The following LRCH4 variants were observed in gnomAD, a reference collection of about 807,000 sequenced individuals.
LRCH4 encodes the protein leucine-rich repeat and calponin homology domain-containing protein 4.
Under a neutral mutation model 81.2 loss-of-function variants are expected in LRCH4, and 56 were observed. The observed-to-expected ratio is 0.69, with a 90% CI of 0.56 to 0.86. The LOEUF is 0.86. Among genes scored for constraint, LRCH4 ranks in the 40% least tolerant of loss-of-function variants. LRCH4 has a pLI of 0.00. For synonymous variants in LRCH4, 442 were observed against 409.7 expected (o/e 1.08, Z -0.95); for missense variants, 895 against 922.8 (o/e 0.97, Z 0.39).
In LRCH4 at chr7:100,575,949, A is replaced by G; in HGVS notation, c.1698T>C (p.Ser566=). 1 of 1,610,482 alleles carries G rather than the reference A, an allele frequency of 6.2e-7. No individual in the cohort carries two copies. Among genetic ancestry groups the G allele is most frequent in the South Asian group, 1.1e-5 (1 of 90,838 alleles). ...LPEDLAEALA[S]GVILCQLANQ... is the part of the protein sequence containing the mutation. ...TGGCCAGCTGGCACAGGATGACCCC[A>G]CTGGCCAGAGCCTCGGCCAGGTCCT... The change falls in exon 16 of 18, where the codon AGT becomes AGC. Residue 566 remains serine, a synonymous_variant. Coordinates refer to ENST00000310300, the MANE Select transcript of LRCH4 (RefSeq NM_002319.5). The surrounding 1 kb of genome is among the most constrained non-coding windows in gnomAD (Gnocchi z 5.3).
At position 100,578,642 on chromosome 7, in the gene LRCH4, C is replaced by T. The variant is rs752408610; in HGVS notation, c.735+8G>A. ...CTGTCCTCGTGGCCCCCCAGGCACC[C>T]GCCTCACCTGGGCAGGTGGACTCTG... On this transcript the variant is annotated splice_region_variant and intron_variant, in intron 5 of 17. Coordinates refer to ENST00000310300, the MANE Select transcript of LRCH4 (RefSeq NM_002319.5). This position sits in a 1 kb window ranked among gnomAD's most constrained non-coding sequence, Gnocchi z 5.7. 1.2e-6 allele frequency: 2 copies of T among 1,612,396 alleles called. No homozygotes were observed. The highest frequency in any genetic ancestry group is 1.1e-5 in the South Asian group (1 of 90,936).
rs1236700386 is a variant in LRCH4 at position 100,581,774 on chromosome 7, C to T, written c.598+3G>A. 4 of 1,613,786 alleles carry T rather than the reference C, an allele frequency of 2.5e-6. No individual in the cohort carries two copies. Among genetic ancestry groups the T allele is most frequent in the African/African-American group, 2.7e-5 (2 of 74,944 alleles). On this transcript the variant is annotated splice_donor_region_variant and intron_variant, in intron 4 of 17. Coordinates refer to ENST00000310300, the MANE Select transcript of LRCH4 (RefSeq NM_002319.5). Reference sequence around the variant, plus strand: ...CTCCTCTCCAGTTCTTCATTCTTCTCACCTTCGGGCAGCGTACTGAGCTGG... The same window carrying T: ...CTCCTCTCCAGTTCTTCATTCTTCTTACCTTCGGGCAGCGTACTGAGCTGG...
At chr7:100,580,324 T>C (rs1480093828) in intron 4 of LRCH4, 2 of 151,516 alleles carry the variant, frequency 1.3e-5, no homozygotes, top group Non-Finnish European at 1.5e-5. Flanking sequence ...CAAGAAGCCA[T>C]TAAATCCCTA....
Position 100,577,284 on chromosome 7 carries a change from C to T in LRCH4, c.1284G>A (p.Pro428=), listed in dbSNP as rs763750913. ...QQQQSGAWGA[P]RKDSLLKPGL... is the part of the protein sequence containing the mutation. Reference sequence around the variant, plus strand: ...GCCCTGGGTCCCACCTATCCTTCCTCGGGGCCCCCCACGCCCCGCTCTGCT... The same window carrying T: ...GCCCTGGGTCCCACCTATCCTTCCTTGGGGCCCCCCACGCCCCGCTCTGCT... The change falls in exon 11 of 18, where the codon CCG becomes CCA. Residue 428 remains proline (P), a synonymous_variant. Coordinates refer to ENST00000310300, the MANE Select transcript of LRCH4 (RefSeq NM_002319.5). The surrounding 1 kb of genome is among the most constrained non-coding windows in gnomAD (Gnocchi z 6.7). The T allele has an allele frequency of 2.8e-5, 44 of 1,599,466 alleles. No individual in the cohort carries two copies. The highest frequency in any genetic ancestry group is 1.3e-4 in the South Asian group (12 of 90,818).
Position 100,576,713 on chromosome 7 carries a change from G to C in LRCH4, c.1533C>G (p.Ser511=), listed in dbSNP as rs756950523. The change falls in exon 14 of 18, where the codon TCC becomes TCG. Residue 511 remains serine (S), a synonymous_variant. Transcript: ENST00000310300. ...ACCCACCTGAGCCACTCTGAGAGGA[G>C]GAACGGAAGAGGAAGCTGTTTGGTC... ...IQRPNSFLFR[S]SSQSGSGPSS... 4.4e-6 allele frequency: 7 copies of C among 1,595,184 alleles called. No homozygotes were observed. Among genetic ancestry groups the C allele is most frequent in the Non-Finnish European group, 6.0e-6 (7 of 1,170,920 alleles).
At chr7:100,580,460 C>G (rs975909592) in intron 4 of LRCH4, 2 of 150,962 alleles carry the variant, frequency 1.3e-5, no homozygotes, top group Non-Finnish European at 2.9e-5. Flanking sequence ...CCCACACACA[C>G]GCAAACAACA....
rs1210583672 is a variant in LRCH4, at chr7:100,585,032, G to A, written c.220+849C>T. ...CCTACCATCCACAGACACCAGGGTG[G>A]AGGGTGCATGGTTGGACAGATCCTG... On this transcript the variant is annotated intron_variant, in intron 1 of 17. Coordinates refer to ENST00000310300, the MANE Select transcript of LRCH4 (RefSeq NM_002319.5). 1.2e-5 allele frequency: 4 copies of A among 344,270 alleles called. No homozygotes were observed. The East Asian group carries it at 3.2e-4, about 28-fold the overall frequency. 21.3% of individuals were successfully genotyped at this position (344,270 alleles called of 1,614,324 possible).
intron 1 of LRCH4, chr7:100,584,348 G>A: frequency 2.5e-6 from 1 of 402,522 alleles, no homozygotes; most frequent in South Asian, 1.8e-5. Flanking sequence ...GGGTTCTTGG[G>A]AAGCTGGGAT....
chr7:100,583,228 G>A lies in LRCH4; in HGVS notation c.221-769C>T, dbSNP rs1193967315. Among the ~76,000 whole-genome samples the A allele has an allele frequency of 1.3e-5, 2 of 152,132 alleles. No homozygotes were observed. The highest frequency in any genetic ancestry group is 2.4e-5 in the African/African-American group (1 of 41,428). On this transcript the variant is annotated intron_variant, in intron 1 of 17. Coordinates refer to ENST00000310300, the MANE Select transcript of LRCH4 (RefSeq NM_002319.5). The surrounding 1 kb of genome is among the most constrained non-coding windows in gnomAD (Gnocchi z 4.3). ...GCCCGGCTCTGCTTCCTCTCTTACTGACACAGACTTCAAGAGATCAGCAAC... is the reference window on the plus strand; with the variant it reads ...GCCCGGCTCTGCTTCCTCTCTTACTAACACAGACTTCAAGAGATCAGCAAC...
chr7:100,585,863 G>C lies in LRCH4; in HGVS notation c.220+18C>G. On this transcript the variant is annotated intron_variant, in intron 1 of 17. Transcript: ENST00000310300. ...CAAATGAGGGACCCGGTTGGGCCCG[G>C]GGCCCGGCTGCACTCACCAGCCTGG... is the stretch of plus-strand genomic sequence containing the variant. The C allele has an allele frequency of 6.4e-7, 1 of 1,555,266 alleles. No individual in the cohort carries two copies. Among genetic ancestry groups the C allele is most frequent in the Non-Finnish European group, 8.7e-7 (1 of 1,145,210 alleles).
At position 100,581,561 on chromosome 7, in the gene LRCH4, G is replaced by A. The variant is rs1801559669; in HGVS notation, c.598+216C>T. 4.6e-5 allele frequency: 24 copies of A among 527,210 alleles called. No homozygotes were observed. The South Asian group carries it at 5.6e-4, about 12-fold the overall frequency. 32.7% of individuals were successfully genotyped at this position (527,210 alleles called of 1,614,324 possible). A position where few individuals can be genotyped will look rare whatever the true frequency, so the allele number is the denominator to read the frequency against. ...TGTCTCTGCTCTCCGCCATCGGAGA[G>A]TACCACAAGGAGCCGGCAGTCTGCA... is the stretch of plus-strand genomic sequence containing the variant. On this transcript the variant is annotated intron_variant, in intron 4 of 17. Transcript: ENST00000310300.
chr7:100,574,632 G>GCGCGCGCACACACACACACACACACA lies in LRCH4; in HGVS notation c.*474_*475insTGTGTGTGTGTGTGTGTGTGCGCGCG, dbSNP rs200891670. ...ACGCGGAGCAGACGCGCGCGCGCGC[G>GCGCGCGCACACACACACACACACACA]CACACACACACACACAGGCAGGGCG... is the stretch of plus-strand genomic sequence containing the variant. On this transcript the variant is annotated 3_prime_UTR_variant, in exon 18 of 18. Transcript: ENST00000310300. The GCGCGCGCACACACACACACACACACA allele has an allele frequency of 4.7e-3, 712 of 152,020 alleles. 3 individuals are homozygous for GCGCGCGCACACACACACACACACACA. The highest frequency in any genetic ancestry group is 7.0e-3 in the Non-Finnish European group (483 of 68,894). The allele number at this position is 152,020 out of a possible 1,614,324, so 9.4% of individuals were successfully genotyped here.
Position 100,582,188 on chromosome 7 carries a change from G to A in LRCH4, c.366-21C>T, listed in dbSNP as rs760713847. On this transcript the variant is annotated intron_variant, in intron 2 of 17. Coordinates refer to ENST00000310300, the MANE Select transcript of LRCH4 (RefSeq NM_002319.5). This position sits in a 1 kb window ranked among gnomAD's most constrained non-coding sequence, Gnocchi z 5.0. Reference sequence around the variant, plus strand: ...TTCGGCTGTGGAAGGGAGAAAGGCAGCGGACTGGCTCCCCAGGCATGGCAT... The same window carrying A: ...TTCGGCTGTGGAAGGGAGAAAGGCAACGGACTGGCTCCCCAGGCATGGCAT... 1.2e-6 allele frequency: 2 copies of A among 1,613,580 alleles called. No individual in the cohort carries two copies. Among genetic ancestry groups the A allele is most frequent in the Non-Finnish European group, 8.5e-7 (1 of 1,179,926 alleles).
At chr7:100,576,190 A>T (rs1454198436) in intron 15 of LRCH4, 48 bp downstream of exon 15, 2 of 1,582,106 alleles carry the variant, frequency 1.3e-6, no homozygotes, top group Admixed American at 3.4e-5. Flanking sequence ...CAACACAAGG[A>T]GGTGCCCGGC....
At position 100,578,719 on chromosome 7, in the gene LRCH4, G is replaced by T; in HGVS notation, c.666C>A (p.Ser222=). The T allele has an allele frequency of 6.2e-7, 1 of 1,614,198 alleles. No homozygotes were observed. Among genetic ancestry groups the T allele is most frequent in the African/African-American group, 1.3e-5 (1 of 75,068 alleles). ...SCNRVSRIPV[S]FCRLRHLQVI... ...CCTGCAGGTGCCTCAGGCGGCAGAA[G>T]GAGACTGGGATTCGGGAGACGCGGT... Residue 222 remains serine (S), a synonymous_variant, in exon 5 of 18, where the codon TCC becomes TCA. Transcript: ENST00000310300. This position sits in a 1 kb window ranked among gnomAD's most constrained non-coding sequence, Gnocchi z 5.7.
chr7:100,582,190 G>A lies in LRCH4; in HGVS notation c.366-23C>T, dbSNP rs1562809045. The A allele has an allele frequency of 3.7e-6, 6 of 1,613,396 alleles. No homozygotes were observed. The highest frequency in any genetic ancestry group is 1.3e-5 in the African/African-American group (1 of 74,918). On this transcript the variant is annotated intron_variant, in intron 2 of 17. Coordinates refer to ENST00000310300, the MANE Select transcript of LRCH4 (RefSeq NM_002319.5). This position sits in a 1 kb window ranked among gnomAD's most constrained non-coding sequence, Gnocchi z 5.0. ...CGGCTGTGGAAGGGAGAAAGGCAGC[G>A]GACTGGCTCCCCAGGCATGGCATCC...
chr7:100,579,084 G>A (rs1273710572), intron 4 of LRCH4: 3 of 426,436 alleles, frequency 7.0e-6, no homozygotes, highest in Non-Finnish European at 8.5e-6. Context: ...TCATCTCCTC[G>A]CCTGCCCACT....
At position 100,574,632 on chromosome 7, in the gene LRCH4, GCA is replaced by G. The variant is rs1554348415; in HGVS notation, c.*473_*474del. The G allele has an allele frequency of 4.7e-4, 72 of 152,028 alleles. No individual in the cohort carries two copies. The highest frequency in any genetic ancestry group is 2.2e-3 in the South Asian group (11 of 5,090). 9.4% of individuals were successfully genotyped at this position (152,028 alleles called of 1,614,324 possible). A position where few individuals can be genotyped will look rare whatever the true frequency, so the allele number is the denominator to read the frequency against. On this transcript the variant is annotated 3_prime_UTR_variant, in exon 18 of 18. Coordinates refer to ENST00000310300, the MANE Select transcript of LRCH4 (RefSeq NM_002319.5). ...ACGCGGAGCAGACGCGCGCGCGCGC[GCA>G]CACACACACACACAGGCAGGGCGGC...
chr7:100,584,861 G>A (rs1801676094), intron 1 of LRCH4: 1 of 445,122 alleles, frequency 2.2e-6, no homozygotes, highest in Non-Finnish European at 4.5e-6. Flanking sequence ...ATGAGAGGAG[G>A]AAGAGGCCTG....
Sources: gnomAD v4.1 joint callset for allele counts (sites outside exome capture counted in the v4.1 genomes callset) on GRCh38, gnomAD v4.1.1 for gene constraint, Gnocchi (gnomAD v3.1) non-coding constraint, MANE v1.5 for transcripts, NCBI Gene and HGNC (gene_info 2026-07-23, HGNC 2026-07-21) for gene names.